PIK3C2A: variants seen among roughly 807,000 people sequenced by gnomAD.
The protein encoded by PIK3C2A is phosphatidylinositol-4-phosphate 3-kinase catalytic subunit type 2 alpha.
A neutral mutation model predicts 204.5 loss-of-function variants in PIK3C2A; 97 were observed. The observed-to-expected ratio is 0.47, with a 90% CI of 0.40 to 0.56. The LOEUF (loss-of-function observed/expected upper bound fraction) is 0.56. PIK3C2A is among the 20% of genes least tolerant of loss of function. The probability of loss-of-function intolerance (pLI) is 0.00; values close to 1 mark genes in which losing one functional copy is unlikely to be tolerated. For missense variants in PIK3C2A, 1,735 were observed against 1,969.2 expected, an observed-to-expected ratio of 0.88 and a Z score of 2.25; for synonymous variants, 653 against 664.4, an observed-to-expected ratio of 0.98 and a Z score of 0.26.
rs1848307153 is a variant in PIK3C2A, at chr11:17,091,383, C to T, written c.4829G>A (p.Arg1610His). 5 of 1,613,616 alleles carry T rather than the reference C, an allele frequency of 3.1e-6. No individual in the cohort carries two copies. The highest frequency in any genetic ancestry group is 1.6e-4 in the Middle Eastern group (1 of 6,080). ...CGTTTTTCGTGAAATTTTGGTTTTACGTTTGGATGTTTTGTGGTTATCTGG... is the reference window on the plus strand; with the variant it reads ...CGTTTTTCGTGAAATTTTGGTTTTATGTTTGGATGTTTTGTGGTTATCTGG... ...LLPDNHKTSKRKTKISRKTRN... is the reference protein window; with the variant it reads ...LLPDNHKTSKHKTKISRKTRN... The change falls in exon 32 of 33, where the codon CGT becomes CAT. Residue 1610 changes from arginine (R) to histidine (H), a missense_variant. Physicochemically the swap from Arg to His is conservative, Grantham distance 29. Coordinates refer to ENST00000691414, the MANE Select transcript of PIK3C2A (RefSeq NM_002645.4).
At chr11:17,140,521 A>G (rs1248636174) in intron 8 of PIK3C2A, among the ~76,000 whole-genome samples, 1 of 152,202 alleles carries the variant, frequency 6.6e-6, no homozygotes, top group Non-Finnish European at 1.5e-5. Flanking sequence ...GAACCTCAAA[A>G]ACAGTATGGT....
At chr11:17,105,674 G>C (rs1848787964) in intron 22 of PIK3C2A, among the ~76,000 whole-genome samples, 1 of 152,188 alleles carries the variant, frequency 6.6e-6, no homozygotes, top group Non-Finnish European at 1.5e-5. Flanking sequence ...GTGTTAGTTT[G>C]CTGAGAATGA....
chr11:17,198,132 G>A (rs1438964938), intron 1 of PIK3C2A, among the ~76,000 whole-genome samples: 2 of 137,460 alleles, frequency 1.5e-5, no homozygotes, highest in African/African-American at 2.7e-5. Flanking sequence ...TTTTTGAGAT[G>A]GAGTCTTGCT....
chr11:17,145,985 G>C, intron 6 of PIK3C2A, 43 bp from the exon 7 acceptor site: 2 of 1,415,906 alleles, frequency 1.4e-6, no homozygotes, highest in East Asian at 4.6e-5. Context: ...TCCACTCTTT[G>C]GTCTTTCTAT....
intron 1 of PIK3C2A, among the ~76,000 whole-genome samples, chr11:17,207,503 CG>C (rs1376011624): frequency 1.3e-5 from 2 of 152,044 alleles, no homozygotes; most frequent in Non-Finnish European, 2.9e-5. Context: ...CGGGACAAGG[CG>C]GGGGAGGGGG....
chr11:17,155,494 C>T, intron 3 of PIK3C2A, 32 bp downstream of exon 3: 1 of 1,274,486 alleles, frequency 7.8e-7, no homozygotes, highest in Non-Finnish European at 1.1e-6. Context: ...GTGAATTTTT[C>T]AAATGAACAT....
At chr11:17,138,812 G>C (rs1208166683) in intron 8 of PIK3C2A, among the ~76,000 whole-genome samples, 2 of 152,182 alleles carry the variant, frequency 1.3e-5, no homozygotes, top group Admixed American at 6.5e-5. Context: ...CAAAAACAGA[G>C]AGCAGGCCAG....
At chr11:17,135,295 A>G (rs1849834532) in intron 9 of PIK3C2A, 136 bp from the exon 10 acceptor site, 2 of 832,942 alleles carry the variant, frequency 2.4e-6, no homozygotes, top group Admixed American at 4.8e-5. Flanking sequence ...CGATAAATAA[A>G]TAATGCAAAA....
At chr11:17,127,088 G>A (rs1849550511) in intron 13 of PIK3C2A, among the ~76,000 whole-genome samples, 1 of 152,100 alleles carries the variant, frequency 6.6e-6, no homozygotes, top group African/African-American at 2.4e-5. Flanking sequence ...AGCATATTCT[G>A]TTTTAGAGTA....
chr11:17,137,115 T>G (rs964044697), intron 8 of PIK3C2A, among the ~76,000 whole-genome samples: 5 of 152,098 alleles, frequency 3.3e-5, no homozygotes, highest in Non-Finnish European at 7.3e-5. Flanking sequence ...ATAAAACATT[T>G]ATGCCAAACT....
Position 17,089,580 on chromosome 11 carries a change from T to C in PIK3C2A, c.*158A>G. 1 of 540,096 alleles carries C rather than the reference T, an allele frequency of 1.9e-6. No homozygotes were observed. Among genetic ancestry groups the C allele is most frequent in the South Asian group, 2.9e-5 (1 of 34,428 alleles). 33.5% of individuals were successfully genotyped at this position (540,096 alleles called of 1,614,324 possible). On this transcript the variant is annotated 3_prime_UTR_variant, in exon 33 of 33. Transcript: ENST00000691414. ...TGTGACTGTTGGTCCAACAGATGTG[T>C]TGAAATGCAGCAAGTATATTTAACT...
intron 27 of PIK3C2A, among the ~76,000 whole-genome samples, chr11:17,095,258 C>T (rs975582618): frequency 1.3e-5 from 2 of 150,800 alleles, no homozygotes; most frequent in East Asian, 2.0e-4. Flanking sequence ...AGAGCGAGAC[C>T]GTTTCTCAAA....
intron 16 of PIK3C2A, 78 bp downstream of exon 16, chr11:17,119,708 A>G: frequency 1.2e-6 from 1 of 824,064 alleles, no homozygotes; most frequent in Non-Finnish European, 1.9e-6. Context: ...TGTTAAAAGG[A>G]AAGGAAATAC....
chr11:17,126,453 T>A (rs1401741412), intron 13 of PIK3C2A, among the ~76,000 whole-genome samples: 2 of 152,140 alleles, frequency 1.3e-5, no homozygotes, highest in African/African-American at 4.8e-5. Context: ...TGCCTTTGAG[T>A]CATTTGGCTT....
At chr11:17,168,353 G>C (rs960329906) in intron 2 of PIK3C2A, among the ~76,000 whole-genome samples, 1 of 152,096 alleles carries the variant, frequency 6.6e-6, no homozygotes, top group African/African-American at 2.4e-5. Flanking sequence ...AGGCTGAGAC[G>C]GGTGGATCAC....
chr11:17,177,290 C>T (rs142429883), intron 1 of PIK3C2A, among the ~76,000 whole-genome samples: 86 of 152,242 alleles, frequency 5.6e-4, no homozygotes, highest in African/African-American at 2.0e-3. Flanking sequence ...AATTTATCAT[C>T]ACCAGATGAC....
intron 21 of PIK3C2A, 60 bp from the exon 22 acceptor site, chr11:17,110,621 T>C (rs1848972484): frequency 2.0e-6 from 3 of 1,491,168 alleles, no homozygotes. Flanking sequence ...ACAGATTACA[T>C]ACTATGAAAG....
rs1849321730 is a variant in PIK3C2A at position 17,119,987 on chromosome 11, TA to T, written c.2658-14del. ...TTCTTTAGAAAGTCTGCATATATAA[TA>T]GAATTAAATTACTTCTCAGTGATAA... On this transcript the variant is annotated splice_polypyrimidine_tract_variant and intron_variant, in intron 15 of 32. Coordinates refer to ENST00000691414, the MANE Select transcript of PIK3C2A (RefSeq NM_002645.4). The T allele has an allele frequency of 1.7e-6, 2 of 1,209,012 alleles. No homozygotes were observed. Among genetic ancestry groups the T allele is most frequent in the Non-Finnish European group, 2.4e-6 (2 of 850,198 alleles). 74.9% of individuals were successfully genotyped at this position (1,209,012 alleles called of 1,614,324 possible). A position where few individuals can be genotyped will look rare whatever the true frequency, so the allele number is the denominator to read the frequency against.
chr11:17,111,882 CAA>C (rs201931743), intron 21 of PIK3C2A, among the ~76,000 whole-genome samples: 11 of 31,430 alleles, frequency 3.5e-4, no homozygotes, highest in East Asian at 1.0e-3. Context: ...GTCTCCAAAA[CAA>C]AAAAAAAAAA....
Sources: allele counts gnomAD v4.1 joint callset (sites outside exome capture counted in the v4.1 genomes callset), GRCh38; gene constraint gnomAD v4.1.1; transcripts MANE v1.5; gene names NCBI Gene and HGNC (gene_info 2026-07-23, HGNC 2026-07-21).